KIF6: variants seen among roughly 807,000 people sequenced by gnomAD.
KIF6 encodes kinesin-like protein KIF6.
A neutral mutation model predicts 112.7 loss-of-function variants in KIF6; 106 were observed. The ratio of observed to expected loss-of-function variants is 0.94; its 90% confidence interval spans 0.80 to 1.11. The LOEUF (loss-of-function observed/expected upper bound fraction) is 1.11, where lower values mean the gene tolerates loss of function less well. Ranked by LOEUF, KIF6 falls within the 50% of genes least tolerant of loss-of-function variation. The pLI, the probability that KIF6 is intolerant of heterozygous loss-of-function variation, is 0.00. For synonymous variants in KIF6, 339 were observed against 339.9 expected, an observed-to-expected ratio of 1.00 and a Z score of 0.03; for missense variants, 929 against 964.0, an observed-to-expected ratio of 0.96 and a Z score of 0.48.
At chr6:39,621,196 G>GAC (rs55752326) in intron 5 of KIF6, among the ~76,000 whole-genome samples, 13,280 of 135,890 alleles carry the variant, frequency 0.098, 737 homozygotes, top group East Asian at 0.26. Context: ...CCGTAAGATA[G>GAC]ACACACACAC....
chr6:39,387,754 G>A (rs1767544401), intron 15 of KIF6, among the ~76,000 whole-genome samples: 1 of 152,140 alleles, frequency 6.6e-6, no homozygotes, highest in African/African-American at 2.4e-5. Context: ...GGGGACATAA[G>A]GCTGCTGCTG....
chr6:39,483,211 T>C (rs1365563339), intron 13 of KIF6, among the ~76,000 whole-genome samples: 1 of 152,212 alleles, frequency 6.6e-6, no homozygotes, highest in Admixed American at 6.5e-5. Context: ...GGGAACAGAA[T>C]AGACAAAATA....
intron 6 of KIF6, among the ~76,000 whole-genome samples, chr6:39,601,386 T>G (rs1782562716): frequency 6.6e-6 from 1 of 152,128 alleles, no homozygotes; most frequent in Non-Finnish European, 1.5e-5. Flanking sequence ...AAAGTAGTAT[T>G]GTTAAAAGGC....
chr6:39,398,466 C>T (rs554595231), intron 15 of KIF6, among the ~76,000 whole-genome samples: 1 of 152,328 alleles, frequency 6.6e-6, no homozygotes, highest in East Asian at 1.9e-4. Context: ...GGTAAAATTT[C>T]CAGAATAAGG....
chr6:39,577,286 T>G (rs1342051744), intron 10 of KIF6, among the ~76,000 whole-genome samples: 1 of 152,174 alleles, frequency 6.6e-6, no homozygotes, highest in African/African-American at 2.4e-5. Flanking sequence ...CCACTTTTAT[T>G]CTCTCTCTAA....
chr6:39,418,026 G>A (rs1230262980), intron 15 of KIF6, among the ~76,000 whole-genome samples: 2 of 150,026 alleles, frequency 1.3e-5, no homozygotes, highest in East Asian at 4.0e-4. Flanking sequence ...TTCAAGCCAA[G>A]TAGACTATCA....
In KIF6 at chr6:39,336,565, A is replaced by G. The variant is rs752493043; in HGVS notation, c.2429-17T>C. On this transcript the variant is annotated splice_polypyrimidine_tract_variant and intron_variant, in intron 22 of 22. Coordinates refer to ENST00000287152, the MANE Select transcript of KIF6 (RefSeq NM_145027.6). ...TTCCCAAACCTGAAAGGGAGACAGGATGCTTTTGGTTAGGCTGTGCATGCA... is the reference window on the plus strand; with the variant it reads ...TTCCCAAACCTGAAAGGGAGACAGGGTGCTTTTGGTTAGGCTGTGCATGCA... The G allele has an allele frequency of 3.7e-6, 6 of 1,613,680 alleles. No homozygotes were observed. The highest frequency in any genetic ancestry group is 1.6e-4 in the Middle Eastern group (1 of 6,062).
intron 10 of KIF6, among the ~76,000 whole-genome samples, chr6:39,570,129 AT>A (rs1315894894): frequency 1.3e-5 from 2 of 152,208 alleles, no homozygotes; most frequent in African/African-American, 2.4e-5. Flanking sequence ...TTTAAACTAT[AT>A]TTAGTCTTAA....
chr6:39,644,615 A>G (rs1236758805), intron 3 of KIF6, among the ~76,000 whole-genome samples: 1 of 148,194 alleles, frequency 6.7e-6, no homozygotes, highest in East Asian at 1.9e-4. Context: ...AGAAAATTCC[A>G]TAGAGATAGA....
intron 13 of KIF6, among the ~76,000 whole-genome samples, chr6:39,525,619 G>A (rs1281135933): frequency 6.6e-6 from 1 of 151,924 alleles, no homozygotes; most frequent in Non-Finnish European, 1.5e-5. Flanking sequence ...GCTGGGCATG[G>A]TGGTGGGTAC....
rs112938362 is a variant in KIF6, at chr6:39,417,362, G to A, written c.1810+2586C>T. Among the ~76,000 whole-genome samples the A allele has an allele frequency of 1.6e-3, 245 of 152,324 alleles. 1 individual carries two copies. The highest frequency in any genetic ancestry group is 5.7e-3 in the African/African-American group (235 of 41,578). The stretch of plus-strand genomic sequence containing the variant: ...GGTCTCACTGTGGTATTTGCATAAA[G>A]TGAAGTGAAGACTGGCATTGGCTTT... On this transcript the variant is annotated intron_variant, in intron 15 of 22. Transcript: ENST00000287152.
At chr6:39,569,286 G>A (rs999289751) in intron 10 of KIF6, among the ~76,000 whole-genome samples, 5 of 152,168 alleles carry the variant, frequency 3.3e-5, no homozygotes, top group Admixed American at 2.0e-4. Flanking sequence ...CACTAGGACT[G>A]TATTAACTCA....
At chr6:39,462,900 T>C (rs1349935090) in intron 13 of KIF6, among the ~76,000 whole-genome samples, 1 of 152,198 alleles carries the variant, frequency 6.6e-6, no homozygotes. Context: ...GGCTGGTTTT[T>C]AGCATTTTAG....
At chr6:39,523,041 C>T (rs1330625606) in intron 13 of KIF6, among the ~76,000 whole-genome samples, 1 of 152,170 alleles carries the variant, frequency 6.6e-6, no homozygotes, top group Non-Finnish European at 1.5e-5. Context: ...ATTCCCATCT[C>T]GTGCTCATTC....
intron 3 of KIF6, among the ~76,000 whole-genome samples, chr6:39,661,631 G>C (rs921079740): frequency 9.2e-5 from 14 of 152,116 alleles, no homozygotes; most frequent in Non-Finnish European, 2.1e-4. Flanking sequence ...GAGTTAAAAG[G>C]GCATGCAGTA....
chr6:39,535,724 C>G (rs1778379331), intron 13 of KIF6, among the ~76,000 whole-genome samples: 2 of 152,218 alleles, frequency 1.3e-5, no homozygotes, highest in Non-Finnish European at 2.9e-5. Context: ...TAATAGACAT[C>G]TACAGAACTC....
At chr6:39,369,864 T>C (rs1422179176) in intron 16 of KIF6, among the ~76,000 whole-genome samples, 1 of 152,200 alleles carries the variant, frequency 6.6e-6, no homozygotes, top group African/African-American at 2.4e-5. Flanking sequence ...CTCCTTCTGC[T>C]GGAACCCCAG....
At chr6:39,709,336 G>A (rs1462886676) in intron 3 of KIF6, among the ~76,000 whole-genome samples, 1 of 152,186 alleles carries the variant, frequency 6.6e-6, no homozygotes, top group Non-Finnish European at 1.5e-5. Flanking sequence ...TTCCGCCCCA[G>A]ATCATCAGGC....
At chr6:39,581,560 T>G (rs1781298352) in intron 9 of KIF6, among the ~76,000 whole-genome samples, 1 of 152,122 alleles carries the variant, frequency 6.6e-6, no homozygotes. Context: ...GGGTTTCAAA[T>G]TTTTCAAAGT....
Sources: gnomAD v4.1 joint callset for allele counts (sites outside exome capture counted in the v4.1 genomes callset) on GRCh38, gnomAD v4.1.1 for gene constraint, MANE v1.5 for transcripts, NCBI Gene and HGNC (gene_info 2026-07-23, HGNC 2026-07-21) for gene names.